TBC1D19: variants seen among roughly 807,000 people sequenced by gnomAD.
TBC1D19 encodes TBC1 domain family, member 19.
TBC1D19 carries 60 observed loss-of-function variants against 89.0 expected under a neutral mutation model. The ratio of observed to expected loss-of-function variants is 0.67; its 90% CI spans 0.55 to 0.84. The LOEUF is 0.84. Among genes scored for constraint, TBC1D19 ranks in the 40% least tolerant of loss-of-function variants. The probability of loss-of-function intolerance (pLI) is 0.00; values close to 1 mark genes in which losing one functional copy is unlikely to be tolerated. For synonymous variants in TBC1D19, 189 were observed against 199.7 expected, an observed-to-expected ratio of 0.95 and a Z score of 0.45; for missense variants, 500 against 610.8, an observed-to-expected ratio of 0.82 and a Z score of 1.91.
the TBC1D19 span, among the ~76,000 whole-genome samples, chr4:26,820,007 T>C: frequency 6.6e-6 from 1 of 152,340 alleles, no homozygotes; most frequent in Non-Finnish European, 1.5e-5. Flanking sequence ...TACTCTAAAA[T>C]TGCAAACTTC....
chr4:26,717,323 G>T (rs528580395), intron 13 of TBC1D19, among the ~76,000 whole-genome samples: 1 of 151,922 alleles, frequency 6.6e-6, no homozygotes, highest in African/African-American at 2.4e-5. Flanking sequence ...TTCCAGGCTG[G>T]TGTCCTCAAT....
chr4:26,653,876 T>C (rs919054097), intron 7 of TBC1D19, among the ~76,000 whole-genome samples: 11 of 152,192 alleles, frequency 7.2e-5, no homozygotes, highest in African/African-American at 2.7e-4. Flanking sequence ...CATTGACATT[T>C]AAGGTTAATA....
At chr4:26,638,926 G>T in intron 6 of TBC1D19, 92 bp downstream of exon 6, 1 of 1,043,436 alleles carries the variant, frequency 9.6e-7, no homozygotes. Flanking sequence ...AATTCTTTTG[G>T]GAAGATTGCA....
the TBC1D19 span, among the ~76,000 whole-genome samples, chr4:26,806,797 G>A: frequency 6.6e-6 from 1 of 152,228 alleles, no homozygotes; most frequent in Non-Finnish European, 1.5e-5. Context: ...CTGAGACACA[G>A]AGGGAAGAAA....
At chr4:26,726,126 A>AAC (rs56262902) in intron 15 of TBC1D19, among the ~76,000 whole-genome samples, 2,002 of 127,146 alleles carry the variant, frequency 0.016, 22 homozygotes, top group Non-Finnish European at 0.02. Context: ...CAATTCTCCC[A>AAC]ACACACACAC....
chr4:26,769,165 G>A, the TBC1D19 span, among the ~76,000 whole-genome samples: 2 of 152,182 alleles, frequency 1.3e-5, no homozygotes, highest in Non-Finnish European at 2.9e-5. Context: ...GAAAAATGTT[G>A]TCAATCTAGA....
chr4:26,590,180 G>A (rs932197961), intron 1 of TBC1D19, among the ~76,000 whole-genome samples: 2 of 152,188 alleles, frequency 1.3e-5, no homozygotes, highest in African/African-American at 4.8e-5. Flanking sequence ...ATTTGTCCTT[G>A]AAGGAGCTTG....
chr4:26,822,663 G>A, the TBC1D19 span, among the ~76,000 whole-genome samples: 72,231 of 151,960 alleles, frequency 0.48, 17,487 homozygotes, highest in African/African-American at 0.57. Flanking sequence ...AATGGTTAAC[G>A]TTGAGATGCG....
intron 1 of TBC1D19, among the ~76,000 whole-genome samples, chr4:26,590,294 TG>T (rs536248969): frequency 3.4e-4 from 52 of 152,316 alleles, no homozygotes; most frequent in African/African-American, 1.1e-3. Flanking sequence ...CTTATTTGGC[TG>T]GGGGTGACAT....
chr4:26,595,996 G>A (rs560661004), intron 1 of TBC1D19, among the ~76,000 whole-genome samples: 34 of 151,726 alleles, frequency 2.2e-4, no homozygotes, highest in South Asian at 4.2e-4. Context: ...TCACTTTGTC[G>A]CCCGGGCTGG....
chr4:26,784,187 C>T, the TBC1D19 span, among the ~76,000 whole-genome samples: 1 of 152,162 alleles, frequency 6.6e-6, no homozygotes, highest in Non-Finnish European at 1.5e-5. Context: ...AACTTGTTCA[C>T]ACTAAGGTAG....
At chr4:26,584,373 G>C in intron 1 of TBC1D19, 81 bp downstream of exon 1, 2 of 1,364,814 alleles carry the variant, frequency 1.5e-6, no homozygotes, top group Admixed American at 2.0e-5. Flanking sequence ...ACCCAAGCCA[G>C]AGCTCGCCTC....
At chr4:26,643,928 A>G (rs1743726869) in intron 7 of TBC1D19, among the ~76,000 whole-genome samples, 2 of 152,024 alleles carry the variant, frequency 1.3e-5, no homozygotes, top group African/African-American at 2.4e-5. Flanking sequence ...TGAGGCAATA[A>G]TTAATAGCCT....
At chr4:26,793,652 A>T in the TBC1D19 span, among the ~76,000 whole-genome samples, 1 of 148,802 alleles carries the variant, frequency 6.7e-6, no homozygotes, top group East Asian at 2.0e-4. Flanking sequence ...GAAACCAGGA[A>T]GTGGAGGTTG....
chr4:26,687,155 T>A (rs1228942766), intron 12 of TBC1D19, among the ~76,000 whole-genome samples: 1 of 152,194 alleles, frequency 6.6e-6, no homozygotes, highest in Admixed American at 6.6e-5. Flanking sequence ...TTTGGATACA[T>A]GTAAGGTTTG....
chr4:26,723,455 T>C (rs901267558), intron 15 of TBC1D19, among the ~76,000 whole-genome samples: 35 of 152,110 alleles, frequency 2.3e-4, no homozygotes, highest in African/African-American at 7.7e-4. Context: ...ACTGACACAC[T>C]CTCATTCCCT....
At chr4:26,675,925 AT>A (rs1403767839) in intron 11 of TBC1D19, among the ~76,000 whole-genome samples, 1 of 152,224 alleles carries the variant, frequency 6.6e-6, no homozygotes, top group Non-Finnish European at 1.5e-5. Flanking sequence ...AAGAAAATCT[AT>A]GATAGGTTTA....
intron 13 of TBC1D19, among the ~76,000 whole-genome samples, chr4:26,709,087 G>A (rs1261836610): frequency 1.3e-5 from 2 of 151,822 alleles, no homozygotes; most frequent in African/African-American, 2.4e-5. Flanking sequence ...CTAATAATGG[G>A]GAATCTCTGG....
intron 11 of TBC1D19, among the ~76,000 whole-genome samples, chr4:26,677,064 A>C (rs1712881695): frequency 6.6e-6 from 1 of 152,136 alleles, no homozygotes; most frequent in African/African-American, 2.4e-5. Context: ...TCAAGATGTC[A>C]ACACTCTTCC....
Sources: gnomAD v4.1 joint callset for allele counts (sites outside exome capture counted in the v4.1 genomes callset) on GRCh38, gnomAD v4.1.1 for gene constraint, MANE v1.5 for transcripts, NCBI Gene and HGNC (gene_info 2026-07-23, HGNC 2026-07-21) for gene names.